Variants in ZNF710 observed in about 807,000 individuals in gnomAD.
ZNF710 encodes the protein zinc finger protein 710.
ZNF710 carries 13 observed loss-of-function variants against 50.6 expected under a neutral mutation model. That is an observed-to-expected ratio of 0.26 (90% CI 0.17 to 0.41). ZNF710 has a LOEUF of 0.41. ZNF710 is among the 10% of genes least tolerant of loss of function. ZNF710 has a pLI of 1.00. For missense variants in ZNF710, 721 were observed against 936.6 expected (o/e 0.77, Z 3.01); for synonymous variants, 383 against 397.0 (o/e 0.96, Z 0.42).
intron 1 of ZNF710, among the ~76,000 whole-genome samples, chr15:90,066,757 T>A (rs1021339474): frequency 1.3e-5 from 2 of 152,154 alleles, no homozygotes; most frequent in African/African-American, 4.8e-5. Flanking sequence ...GGATTACAGA[T>A]GTGAGCCACC....
At chr15:90,038,402 TCTCA>T (rs1167212275) in intron 1 of ZNF710, among the ~76,000 whole-genome samples, 1 of 152,220 alleles carries the variant, frequency 6.6e-6, no homozygotes, top group Non-Finnish European at 1.5e-5. Flanking sequence ...GTTTTCTTTA[TCTCA>T]CTCTCTTTCA....
chr15:90,080,572 C>T lies in ZNF710; in HGVS notation c.*743C>T, dbSNP rs1900697991. On this transcript the variant is annotated 3_prime_UTR_variant, in exon 5 of 5. Transcript: ENST00000268154. ...CAGGGGGCCCCACTAGGAACAAAGCCAGGACAGGCCCCGCGTCAGGCACAC... is the reference window on the plus strand; with the variant it reads ...CAGGGGGCCCCACTAGGAACAAAGCTAGGACAGGCCCCGCGTCAGGCACAC... 6.5e-6 allele frequency: 1 copy of T among 152,672 alleles called. No homozygotes were observed. The highest frequency in any genetic ancestry group is 1.5e-5 in the Non-Finnish European group (1 of 68,258). The allele number at this position is 152,672 out of a possible 1,614,324, so 9.5% of individuals were successfully genotyped here.
chr15:90,068,518 C>T lies in ZNF710; in HGVS notation c.1381C>T (p.Arg461Ter). Reference protein sequence around the residue: ...QNHMLKHQNVRPFVCTECGME... With the variant: ...QNHMLKHQNV ...CCACATGCTCAAGCACCAGAACGTG[C>T]GACCCTTCGTGTGCACTGAATGCGG... The change falls in exon 2 of 5, where the codon CGA (arginine) becomes TGA (stop). Residue 461 changes from arginine to a stop codon, truncating the protein, a stop_gained. Coordinates refer to ENST00000268154, the MANE Select transcript of ZNF710 (RefSeq NM_198526.4). LOFTEE classifies it high-confidence loss of function. The surrounding 1 kb of genome is among the most constrained non-coding windows in gnomAD (Gnocchi z 5.0). 2 of 1,613,216 alleles carry T rather than the reference C, an allele frequency of 1.2e-6. No homozygotes were observed. Among genetic ancestry groups the T allele is most frequent in the Non-Finnish European group, 8.5e-7 (1 of 1,180,030 alleles).
Position 90,034,021 on chromosome 15 carries a change from G to C in ZNF710, c.-29+32407G>C, listed in dbSNP as rs1460193558. On this transcript the variant is annotated intron_variant, in intron 1 of 4. Coordinates refer to ENST00000268154, the MANE Select transcript of ZNF710 (RefSeq NM_198526.4). This position sits in a 1 kb window ranked among gnomAD's most constrained non-coding sequence, Gnocchi z 4.0. ...GTTCAAGACCAGCTTGGCTAACATG[G>C]TGAAACCCTGTCTTTACTAAAAGTA... Among the ~76,000 whole-genome samples, 1 of 152,116 alleles carries C rather than the reference G, an allele frequency of 6.6e-6. No individual in the cohort carries two copies. The highest frequency in any genetic ancestry group is 1.9e-4 in the East Asian group (1 of 5,180).
At chr15:90,055,758 T>C (rs1899793206) in intron 1 of ZNF710, among the ~76,000 whole-genome samples, 1 of 152,208 alleles carries the variant, frequency 6.6e-6, no homozygotes, top group Non-Finnish European at 1.5e-5. Flanking sequence ...GCAAACAGTC[T>C]GGTGGGAGAG....
At chr15:90,046,145 G>T (rs1388580126) in intron 1 of ZNF710, among the ~76,000 whole-genome samples, 1 of 152,180 alleles carries the variant, frequency 6.6e-6, no homozygotes, top group Non-Finnish European at 1.5e-5. Flanking sequence ...GATGTCAGTG[G>T]CCTGGGCTAT....
chr15:90,023,724 A>G (rs1417063877), intron 1 of ZNF710, among the ~76,000 whole-genome samples: 1 of 152,158 alleles, frequency 6.6e-6, no homozygotes, highest in Non-Finnish European at 1.5e-5. Context: ...TTGACCAGGC[A>G]TGGTGGCTCA....
In ZNF710 at chr15:90,034,820, C is replaced by T. The variant is rs1184989064; in HGVS notation, c.-28-32290C>T. ...TTGCACACCTGGCGCCTGTTGGGGA[C>T]TTAGACCTCTTCCACATCGCCCCAA... On this transcript the variant is annotated intron_variant, in intron 1 of 4. Coordinates refer to ENST00000268154, the MANE Select transcript of ZNF710 (RefSeq NM_198526.4). This position sits in a 1 kb window ranked among gnomAD's most constrained non-coding sequence, Gnocchi z 4.0. 6.6e-6 allele frequency among the ~76,000 whole-genome samples: 1 copy of T among 152,208 alleles called. No homozygotes were observed. The highest frequency in any genetic ancestry group is 1.5e-5 in the Non-Finnish European group (1 of 68,034).
intron 1 of ZNF710, among the ~76,000 whole-genome samples, chr15:90,024,381 G>C (rs887790193): frequency 1.3e-5 from 2 of 152,212 alleles, no homozygotes; most frequent in African/African-American, 4.8e-5. Context: ...CTATGTTGGG[G>C]GTGGGAGGGT....
chr15:90,032,034 T>C (rs1898963310), intron 1 of ZNF710, among the ~76,000 whole-genome samples: 1 of 152,270 alleles, frequency 6.6e-6, no homozygotes, highest in Admixed American at 6.5e-5. Context: ...AGTCTCGCTG[T>C]CGCCCAGGCT....
In ZNF710 at chr15:90,034,894, C is replaced by G. The variant is rs949397106; in HGVS notation, c.-28-32216C>G. Reference sequence around the variant, plus strand: ...CTTCTGAGTTGCAAGCTCCCAGAAACGATGCTGTTAGGACCCTCTGTTCAC... The same window carrying G: ...CTTCTGAGTTGCAAGCTCCCAGAAAGGATGCTGTTAGGACCCTCTGTTCAC... On this transcript the variant is annotated intron_variant, in intron 1 of 4. Transcript: ENST00000268154. The surrounding 1 kb of genome is among the most constrained non-coding windows in gnomAD (Gnocchi z 4.0). Among the ~76,000 whole-genome samples the G allele has an allele frequency of 1.3e-5, 2 of 152,204 alleles. No homozygotes were observed. The highest frequency in any genetic ancestry group is 2.4e-5 in the African/African-American group (1 of 41,450).
At position 90,034,015 on chromosome 15, in the gene ZNF710, A is replaced by G. The variant is rs1359608898; in HGVS notation, c.-29+32401A>G. ...TCAGGAGTTCAAGACCAGCTTGGCT[A>G]ACATGGTGAAACCCTGTCTTTACTA... On this transcript the variant is annotated intron_variant, in intron 1 of 4. Coordinates refer to ENST00000268154, the MANE Select transcript of ZNF710 (RefSeq NM_198526.4). This position sits in a 1 kb window ranked among gnomAD's most constrained non-coding sequence, Gnocchi z 4.0. 2.0e-5 allele frequency among the ~76,000 whole-genome samples: 3 copies of G among 152,142 alleles called. No individual in the cohort carries two copies. Among genetic ancestry groups the G allele is most frequent in the Non-Finnish European group, 4.4e-5 (3 of 68,024 alleles).
At chr15:90,014,143 G>A (rs948980371) in intron 1 of ZNF710, among the ~76,000 whole-genome samples, 1 of 151,738 alleles carries the variant, frequency 6.6e-6, no homozygotes, top group South Asian at 2.1e-4. Flanking sequence ...TTACCTCTTT[G>A]GATCTCAGTA....
At chr15:90,019,587 C>CT (rs1223791574) in intron 1 of ZNF710, among the ~76,000 whole-genome samples, 1 of 152,202 alleles carries the variant, frequency 6.6e-6, no homozygotes, top group Non-Finnish European at 1.5e-5. Flanking sequence ...TTTCAGACCT[C>CT]TGTTTCCTAA....
intron 1 of ZNF710, among the ~76,000 whole-genome samples, chr15:90,021,780 C>T (rs765128708): frequency 6.6e-6 from 1 of 152,170 alleles, no homozygotes; most frequent in Non-Finnish European, 1.5e-5. Flanking sequence ...TAGCTGAGTC[C>T]TAGCAGACAA....
At chr15:90,035,231 A>G (rs1369243356) in intron 1 of ZNF710, among the ~76,000 whole-genome samples, 2 of 152,220 alleles carry the variant, frequency 1.3e-5, no homozygotes, top group Non-Finnish European at 2.9e-5. Flanking sequence ...GGGCTGAGAC[A>G]TGAGGCAATG....
chr15:90,078,045 T>TA (rs1411049657), intron 4 of ZNF710, among the ~76,000 whole-genome samples: 10 of 151,780 alleles, frequency 6.6e-5, no homozygotes, highest in Admixed American at 2.6e-4. Context: ...CCGTCTCTAC[T>TA]AAAAATACAA....
intron 1 of ZNF710, among the ~76,000 whole-genome samples, chr15:90,017,579 T>G (rs747748081): frequency 6.6e-6 from 1 of 152,044 alleles, no homozygotes; most frequent in Non-Finnish European, 1.5e-5. Context: ...TCTGTGGGCC[T>G]GAGCTGGCAT....
chr15:90,079,601 G>C, intron 4 of ZNF710, 59 bp from the exon 5 acceptor site: 2 of 1,587,704 alleles, frequency 1.3e-6, no homozygotes, highest in East Asian at 2.3e-5. Context: ...TCCTGCGTGG[G>C]GGTGACTGGC....
Sources: allele counts gnomAD v4.1 joint callset (sites outside exome capture counted in the v4.1 genomes callset), GRCh38; gene constraint gnomAD v4.1.1; non-coding constraint Gnocchi (gnomAD v3.1); transcripts MANE v1.5; gene names NCBI Gene and HGNC (gene_info 2026-07-23, HGNC 2026-07-21).